LRRC9: variants seen among roughly 807,000 people sequenced by gnomAD.
LRRC9 encodes leucine rich repeat containing 9.
A neutral mutation model predicts 63.2 loss-of-function variants in LRRC9; 122 were observed. The ratio of observed to expected loss-of-function variants is 1.93; its 90% confidence interval spans 1.67 to 2.24. LRRC9 has a LOEUF of 2.24. LRRC9 is among the 30% of genes most tolerant of loss of function. The pLI is 0.00. For synonymous variants in LRRC9, 366 were observed against 213.1 expected, an observed-to-expected ratio of 1.72 and a Z score of -6.25; for missense variants, 1,071 against 627.7, an observed-to-expected ratio of 1.71 and a Z score of -7.55.
intron 7 of LRRC9, among the ~76,000 whole-genome samples, chr14:59,941,577 A>G (rs1205507311): frequency 6.6e-6 from 1 of 152,000 alleles, no homozygotes; most frequent in Non-Finnish European, 1.5e-5. Context: ...TTTGTTGTTT[A>G]TCTGAAATTC....
At chr14:59,976,056 C>T (rs987406905) in intron 13 of LRRC9, among the ~76,000 whole-genome samples, 10 of 152,204 alleles carry the variant, frequency 6.6e-5, no homozygotes, top group African/African-American at 2.2e-4. Context: ...TATTGTGAAC[C>T]GCACATGCGA....
intron 23 of LRRC9, among the ~76,000 whole-genome samples, chr14:60,008,861 T>C (rs2140237937): frequency 6.6e-6 from 1 of 152,290 alleles, no homozygotes; most frequent in African/African-American, 2.4e-5. Context: ...TGAAAGATAG[T>C]TCATGATCAT....
intron 30 of LRRC9, among the ~76,000 whole-genome samples, chr14:60,054,444 G>T (rs1019209412): frequency 3.3e-5 from 5 of 152,064 alleles, no homozygotes; most frequent in African/African-American, 1.2e-4. Flanking sequence ...ATTAGATGTG[G>T]GAGAAAAAAC....
chr14:60,018,355 C>T lies in LRRC9; in HGVS notation c.3318-16C>T. 1.4e-6 allele frequency: 1 copy of T among 699,568 alleles called. No individual in the cohort carries two copies. The highest frequency in any genetic ancestry group is 2.6e-6 in the Non-Finnish European group (1 of 382,732). The allele number at this position is 699,568 out of a possible 1,614,324, so 43.3% of individuals were successfully genotyped here. A position where few individuals can be genotyped will look rare whatever the true frequency, so the allele number is the denominator to read the frequency against. On this transcript the variant is annotated splice_polypyrimidine_tract_variant and intron_variant, in intron 24 of 31. Coordinates refer to ENST00000445360, the Ensembl canonical transcript of LRRC9. ...CCTATTAAAATAATAGCTGTATTTA[C>T]TTTGTCTAAATTCAGAACAGTGGAT...
chr14:60,021,460 A>T (rs953814426), intron 26 of LRRC9, among the ~76,000 whole-genome samples: 25 of 151,876 alleles, frequency 1.6e-4, no homozygotes, highest in Admixed American at 3.9e-4. Context: ...ATTTTCTTAA[A>T]TGATGTCTTT....
At chr14:59,998,026 A>G (rs1888982303) in intron 18 of LRRC9, among the ~76,000 whole-genome samples, 179 bp downstream of exon 18, 1 of 152,080 alleles carries the variant, frequency 6.6e-6, no homozygotes, top group East Asian at 1.9e-4. Context: ...ATCAGATGTT[A>G]CTATAAGAAA....
intron 23 of LRRC9, among the ~76,000 whole-genome samples, chr14:60,009,767 T>C (rs1890108697): frequency 6.6e-6 from 1 of 152,028 alleles, no homozygotes; most frequent in Non-Finnish European, 1.5e-5. Context: ...CTAGAGACAA[T>C]GGGGGTACAG....
In LRRC9 at chr14:59,932,780, A is replaced by G. The variant is rs1434165481; in HGVS notation, c.543+741A>G. Among the ~76,000 whole-genome samples the G allele has an allele frequency of 6.6e-6, 1 of 151,610 alleles. No homozygotes were observed. Among genetic ancestry groups the G allele is most frequent in the Non-Finnish European group, 1.5e-5 (1 of 67,870 alleles). On this transcript the variant is annotated intron_variant, in intron 6 of 31. Transcript: ENST00000445360. The surrounding 1 kb of genome is among the most constrained non-coding windows in gnomAD (Gnocchi z 4.7). ...ATTAATGAAAAATATCTTCCTAACA[A>G]TTTTTCCTGTGTTTGTCCTTTCCCT... is the stretch of plus-strand genomic sequence containing the variant.
chr14:59,944,797 G>A (rs1303507522), intron 8 of LRRC9, 53 bp downstream of exon 8: 1 of 583,426 alleles, frequency 1.7e-6, no homozygotes, highest in Non-Finnish European at 3.0e-6. Flanking sequence ...AAAACCGTTA[G>A]ATAAGATAGC....
chr14:59,961,500 C>T (rs918190510), intron 10 of LRRC9, among the ~76,000 whole-genome samples: 4 of 152,184 alleles, frequency 2.6e-5, no homozygotes, highest in African/African-American at 9.7e-5. Context: ...TGGGAGGAGA[C>T]TGTCTAGCAA....
intron 1 of LRRC9, among the ~76,000 whole-genome samples, chr14:59,925,050 C>G (rs1028991544): frequency 6.6e-6 from 1 of 152,054 alleles, no homozygotes; most frequent in African/African-American, 2.4e-5. Flanking sequence ...TCTTTTTCCT[C>G]CCACCGCTGT....
chr14:59,949,017 G>A (rs1303414544), intron 8 of LRRC9, among the ~76,000 whole-genome samples: 3 of 101,784 alleles, frequency 2.9e-5, no homozygotes, highest in African/African-American at 4.0e-5. Flanking sequence ...AATGATGCTG[G>A]CCTCATAAAA....
rs1885897937 is a variant in LRRC9 at position 59,974,516 on chromosome 14, A to T, written c.1507-60A>T. On this transcript the variant is annotated intron_variant, in intron 12 of 31. Transcript: ENST00000445360. Reference sequence around the variant, plus strand: ...AAAAATAAAATAATAAACCCTCTGTATTGAAGTTGAAGTATTGTCAATTTT... The same window carrying T: ...AAAAATAAAATAATAAACCCTCTGTTTTGAAGTTGAAGTATTGTCAATTTT... 3 of 531,610 alleles carry T rather than the reference A, an allele frequency of 5.6e-6. No homozygotes were observed. In the South Asian group the frequency reaches 8.3e-5, roughly 15 times the overall value. 32.9% of individuals were successfully genotyped at this position (531,610 alleles called of 1,614,324 possible).
downstream of LRRC9, among the ~76,000 whole-genome samples, chr14:60,064,541 C>A (rs309011): frequency 0.75 from 114,529 of 152,106 alleles, 45,108 homozygotes; most frequent in Non-Finnish European, 0.87. Flanking sequence ...TATGTCTTTA[C>A]TTTAATCATG....
chr14:60,022,019 G>T (rs190954084), intron 26 of LRRC9, among the ~76,000 whole-genome samples: 30 of 151,774 alleles, frequency 2.0e-4, no homozygotes, highest in African/African-American at 4.6e-4. Context: ...CGCAGTGAGT[G>T]GGGGGGATGT....
chr14:59,940,176 A>T (rs765721773), intron 7 of LRRC9, among the ~76,000 whole-genome samples: 4 of 152,086 alleles, frequency 2.6e-5, no homozygotes, highest in Non-Finnish European at 4.4e-5. Flanking sequence ...AGTTTCTGAC[A>T]TCTTAAATTA....
intron 26 of LRRC9, among the ~76,000 whole-genome samples, chr14:60,021,241 C>T (rs1455329393): frequency 5.3e-5 from 8 of 151,732 alleles, no homozygotes; most frequent in South Asian, 2.1e-4. Flanking sequence ...TTCCTAATGA[C>T]GAATAGTGTT....
chr14:59,929,832 G>A (rs898466271), intron 3 of LRRC9, among the ~76,000 whole-genome samples: 4 of 151,972 alleles, frequency 2.6e-5, no homozygotes, highest in Non-Finnish European at 5.9e-5. Context: ...GAACAGAAAA[G>A]CAAATACCAC....
rs930096350 is a variant in LRRC9, at chr14:60,042,864, G to T, written c.3991-10201G>T. ...CTGTAGACTGGAGCTGTTCCTATTAGGCCATCTTGGAACCTCCCATGTATT... is the reference window on the plus strand; with the variant it reads ...CTGTAGACTGGAGCTGTTCCTATTATGCCATCTTGGAACCTCCCATGTATT... On this transcript the variant is annotated intron_variant, in intron 29 of 31. Transcript: ENST00000445360. This position sits in a 1 kb window ranked among gnomAD's most constrained non-coding sequence, Gnocchi z 4.2. 6.6e-6 allele frequency among the ~76,000 whole-genome samples: 1 copy of T among 152,104 alleles called. No homozygotes were observed. Among genetic ancestry groups the T allele is most frequent in the Non-Finnish European group, 1.5e-5 (1 of 68,010 alleles).
Sources: allele counts gnomAD v4.1 joint callset (sites outside exome capture counted in the v4.1 genomes callset), GRCh38; gene constraint gnomAD v4.1.1; non-coding constraint Gnocchi (gnomAD v3.1); transcripts MANE v1.5; gene names NCBI Gene and HGNC (gene_info 2026-07-23, HGNC 2026-07-21).